Variants in ETNPPL observed in about 807,000 individuals in gnomAD.
ETNPPL encodes the protein ethanolamine-phosphate phospho-lyase, also known as alanine--glyoxylate aminotransferase 2-like 1.
In ETNPPL, 30 loss-of-function variants were observed where a neutral mutation model predicts 55.5. The ratio of observed to expected loss-of-function variants is 0.54; its 90% confidence interval spans 0.40 to 0.73. ETNPPL has a LOEUF of 0.73. Ranked by LOEUF, ETNPPL falls within the 30% of genes least tolerant of loss-of-function variation. The pLI is 0.00. For missense variants in ETNPPL, 528 were observed against 607.9 expected, an observed-to-expected ratio of 0.87 and a Z score of 1.38; for synonymous variants, 202 against 207.2, an observed-to-expected ratio of 0.98 and a Z score of 0.21.
intron 6 of ETNPPL, among the ~76,000 whole-genome samples, chr4:108,752,081 A>G (rs749322350): frequency 5.3e-5 from 8 of 152,234 alleles, no homozygotes; most frequent in Non-Finnish European, 1.2e-4. Flanking sequence ...GATGTTTCAC[A>G]TAAGAAGATA....
chr4:108,747,254 T>TTA (rs1171584917), intron 9 of ETNPPL, among the ~76,000 whole-genome samples: 35 of 56,950 alleles, frequency 6.1e-4, no homozygotes, highest in Admixed American at 9.0e-4. Context: ...TATATATATA[T>TTA]TATATATATA....
intron 7 of ETNPPL, among the ~76,000 whole-genome samples, chr4:108,750,545 C>T (rs1018190253): frequency 1.1e-4 from 16 of 139,874 alleles, no homozygotes; most frequent in South Asian, 2.4e-4. Flanking sequence ...GATATATATA[C>T]GATATATATG....
chr4:108,758,200 C>A (rs1729317777), intron 3 of ETNPPL, among the ~76,000 whole-genome samples: 2 of 151,742 alleles, frequency 1.3e-5, no homozygotes, highest in African/African-American at 4.8e-5. Context: ...CCATGTTGGC[C>A]AGGATGGTCT....
intron 1 of ETNPPL, 142 bp from the exon 2 acceptor site, chr4:108,760,448 T>C (rs1363172751): frequency 2.0e-6 from 1 of 512,170 alleles, no homozygotes; most frequent in African/African-American, 1.9e-5. Flanking sequence ...ACATTTCTTT[T>C]CATTTCATGT....
chr4:108,753,144 T>C (rs2125677490), intron 5 of ETNPPL, 133 bp from the exon 6 acceptor site: 1 of 596,586 alleles, frequency 1.7e-6, no homozygotes, highest in East Asian at 2.9e-5. Context: ...TTTTTGTTCT[T>C]TTTTTCCCTT....
intron 1 of ETNPPL, among the ~76,000 whole-genome samples, chr4:108,761,416 T>C (rs1343915949): frequency 6.6e-6 from 1 of 152,158 alleles, no homozygotes; most frequent in Non-Finnish European, 1.5e-5. Flanking sequence ...TCAGCTGAAA[T>C]GAAAATAGTA....
chr4:108,751,165 G>T, intron 6 of ETNPPL, 147 bp from the exon 7 acceptor site: 2 of 475,624 alleles, frequency 4.2e-6, no homozygotes, highest in East Asian at 3.3e-5. Flanking sequence ...TAAAGAAAAA[G>T]GAAAAGGTGT....
At chr4:108,743,520 T>G (rs1371755493) in intron 12 of ETNPPL, among the ~76,000 whole-genome samples, 1 of 152,178 alleles carries the variant, frequency 6.6e-6, no homozygotes, top group East Asian at 1.9e-4. Context: ...TATATATATT[T>G]TATAGGCCCT....
At chr4:108,756,243 C>T (rs1729189751) in intron 4 of ETNPPL, among the ~76,000 whole-genome samples, 175 bp downstream of exon 4, 1 of 152,162 alleles carries the variant, frequency 6.6e-6, no homozygotes, top group South Asian at 2.1e-4. Context: ...ATTAAATATC[C>T]CTCTGGATTT....
intron 3 of ETNPPL, among the ~76,000 whole-genome samples, chr4:108,757,666 C>T (rs1177441104): frequency 3.9e-5 from 6 of 152,018 alleles, no homozygotes; most frequent in East Asian, 1.9e-4. Context: ...TGGCTGGGTG[C>T]GGTGACTCAT....
chr4:108,762,705 G>T, intron 1 of ETNPPL, 138 bp downstream of exon 1: 2 of 1,096,122 alleles, frequency 1.8e-6, no homozygotes, highest in South Asian at 1.3e-5. Context: ...GGAGGCGCGC[G>T]GGGCGCGTGC....
At chr4:108,745,256 G>T (rs1728415125) in intron 11 of ETNPPL, among the ~76,000 whole-genome samples, 1 of 151,960 alleles carries the variant, frequency 6.6e-6, no homozygotes, top group South Asian at 2.1e-4. Context: ...AATAGTAAAA[G>T]ATTTTCAATA....
intron 11 of ETNPPL, among the ~76,000 whole-genome samples, chr4:108,745,129 T>C (rs1165661108): frequency 2.0e-5 from 3 of 152,170 alleles, no homozygotes; most frequent in African/African-American, 7.2e-5. Context: ...ATTTACTTTC[T>C]AATCCAATGT....
intron 3 of ETNPPL, among the ~76,000 whole-genome samples, chr4:108,758,856 T>C (rs1386849152): frequency 6.6e-6 from 1 of 152,032 alleles, no homozygotes; most frequent in Non-Finnish European, 1.5e-5. Flanking sequence ...TTTGAGACCA[T>C]CCTGACCAAC....
At chr4:108,753,790 A>AAGAAAGAAAG (rs1287161567) in intron 5 of ETNPPL, among the ~76,000 whole-genome samples, 20 of 110,642 alleles carry the variant, frequency 1.8e-4, no homozygotes, top group Non-Finnish European at 2.6e-4. Flanking sequence ...GAAAGAAAGA[A>AAGAAAGAAAG]AGAAAGAAAG....
chr4:108,755,175 C>T (rs890349517), intron 4 of ETNPPL, among the ~76,000 whole-genome samples: 1 of 152,076 alleles, frequency 6.6e-6, no homozygotes. Flanking sequence ...AAAGCATGTC[C>T]ACTTGCAAAT....
At position 108,746,504 on chromosome 4, in the gene ETNPPL, T is replaced by G. The variant is rs1384278909; in HGVS notation, c.1198A>C (p.Ser400Arg). ...ACATTTCTATGAGGTCCATCGGCACTGAGAAGCACTCGTTTTTCTTTCATC... is the reference window on the plus strand; with the variant it reads ...ACATTTCTATGAGGTCCATCGGCACGGAGAAGCACTCGTTTTTCTTTCATC... ...YKMKEKRVLLSADGPHRNVLK... is the reference protein window; with the variant it reads ...YKMKEKRVLLRADGPHRNVLK... The change falls in exon 11 of 13, where the codon AGT becomes CGT. Residue 400 changes from serine to arginine, a missense_variant. Physicochemically the swap from Ser to Arg is moderately radical, Grantham distance 110. Transcript: ENST00000296486. 19 of 1,612,986 alleles carry G rather than the reference T, an allele frequency of 1.2e-5. No homozygotes were observed. Among genetic ancestry groups the G allele is most frequent in the Non-Finnish European group, 1.6e-5 (19 of 1,179,944 alleles).
At chr4:108,762,276 G>C (rs1037562185) in intron 1 of ETNPPL, 5 of 444,888 alleles carry the variant, frequency 1.1e-5, no homozygotes, top group African/African-American at 1.0e-4. Context: ...TTGGGTAAGA[G>C]GGATCTAAAT....
At chr4:108,745,542 C>T (rs1385035119) in intron 11 of ETNPPL, among the ~76,000 whole-genome samples, 2 of 151,622 alleles carry the variant, frequency 1.3e-5, no homozygotes, top group Non-Finnish European at 2.9e-5. Flanking sequence ...TGCAGTGAGC[C>T]GAGATCCCAC....
Sources: gnomAD v4.1 joint callset for allele counts (sites outside exome capture counted in the v4.1 genomes callset) on GRCh38, gnomAD v4.1.1 for gene constraint, MANE v1.5 for transcripts, NCBI Gene and HGNC (gene_info 2026-07-23, HGNC 2026-07-21) for gene names.